Variants in CSMD1 observed in about 807,000 individuals in gnomAD.
The protein encoded by CSMD1 is CUB and sushi domain-containing protein 1.
In CSMD1, 213 loss-of-function variants were observed where a neutral mutation model predicts 417.5. That is an observed-to-expected ratio of 0.51 (90% CI 0.46 to 0.57). The LOEUF (loss-of-function observed/expected upper bound fraction) is 0.57, where lower values mean the gene tolerates loss of function less well. Ranked by LOEUF, CSMD1 falls within the 20% of genes least tolerant of loss-of-function variation. The pLI is 0.00. For synonymous variants in CSMD1, 2,862 were observed against 1,736.8 expected (o/e 1.65, Z -16.11); for missense variants, 6,923 against 4,529.7 (o/e 1.53, Z -15.17).
chr8:4,043,910 T>G (rs1798018528), intron 3 of CSMD1, among the ~76,000 whole-genome samples: 1 of 152,214 alleles, frequency 6.6e-6, no homozygotes. Flanking sequence ...AACCTGAATC[T>G]GTATAGACCT....
At chr8:4,748,050 C>T (rs536083250) in intron 1 of CSMD1, among the ~76,000 whole-genome samples, 1 of 152,262 alleles carries the variant, frequency 6.6e-6, no homozygotes, top group East Asian at 1.9e-4. Context: ...GAAATAAAAA[C>T]AGGGCACTCA....
chr8:3,374,262 C>A (rs1326644583), intron 18 of CSMD1, among the ~76,000 whole-genome samples: 1 of 152,002 alleles, frequency 6.6e-6, no homozygotes, highest in Non-Finnish European at 1.5e-5. Context: ...TCCGACCCAT[C>A]CACCCGTTTT....
chr8:4,081,155 T>A (rs1800109583), intron 3 of CSMD1, among the ~76,000 whole-genome samples: 1 of 152,136 alleles, frequency 6.6e-6, no homozygotes, highest in African/African-American at 2.4e-5. Context: ...CTTCCCAGCC[T>A]CCAGCATTGT....
At chr8:3,875,166 T>G (rs890589747) in intron 5 of CSMD1, among the ~76,000 whole-genome samples, 3 of 152,076 alleles carry the variant, frequency 2.0e-5, no homozygotes, top group African/African-American at 4.8e-5. Context: ...CACTGGGGAA[T>G]GGACTGTAGC....
intron 1 of CSMD1, among the ~76,000 whole-genome samples, chr8:4,655,263 C>A (rs368381088): frequency 6.6e-6 from 1 of 152,054 alleles, no homozygotes; most frequent in Non-Finnish European, 1.5e-5. Context: ...TAGAACCCTC[C>A]CCCTGGGGTC....
intron 2 of CSMD1, among the ~76,000 whole-genome samples, chr8:4,529,476 T>C (rs906539040): frequency 6.6e-6 from 1 of 152,214 alleles, no homozygotes; most frequent in African/African-American, 2.4e-5. Context: ...TCATAAAATT[T>C]AATGATTTAT....
intron 1 of CSMD1, among the ~76,000 whole-genome samples, chr8:4,910,815 C>T (rs1189962846): frequency 6.6e-6 from 1 of 152,134 alleles, no homozygotes. Context: ...TGATAAATGT[C>T]ATTAGATAGT....
chr8:3,724,596 G>A (rs913367086), intron 6 of CSMD1, among the ~76,000 whole-genome samples: 2 of 152,108 alleles, frequency 1.3e-5, no homozygotes, highest in Non-Finnish European at 2.9e-5. Context: ...TTAGGGAGGG[G>A]GAATGAGAAT....
At chr8:4,205,932 G>C (rs1799953268) in intron 3 of CSMD1, among the ~76,000 whole-genome samples, 1 of 152,206 alleles carries the variant, frequency 6.6e-6, no homozygotes, top group Admixed American at 6.5e-5. Context: ...ACGTTTTTCT[G>C]ACTCCCAAGT....
chr8:3,958,380 C>G lies in CSMD1; in HGVS notation c.818+39523G>C, dbSNP rs997452146. 4.7e-5 allele frequency among the ~76,000 whole-genome samples: 7 copies of G among 148,282 alleles called. No individual in the cohort carries two copies. The South Asian group carries it at 1.1e-3, about 22-fold the overall frequency. ...ATTAACTTTTAAGCTGTTTCACTCT[C>G]TAGGAAACCAAAAAGGAGGCAGAAA... is the stretch of plus-strand genomic sequence containing the variant. On this transcript the variant is annotated intron_variant, in intron 5 of 69. Transcript: ENST00000635120.
intron 3 of CSMD1, among the ~76,000 whole-genome samples, chr8:4,098,998 G>C (rs1041457013): frequency 1.3e-5 from 2 of 152,152 alleles, no homozygotes; most frequent in Admixed American, 1.3e-4. Context: ...AACTCTCTTA[G>C]ACTCCAAACA....
intron 10 of CSMD1, chr8:3,515,405 G>C (rs757143454): frequency 1.3e-5 from 2 of 152,154 alleles, no homozygotes; most frequent in Non-Finnish European, 2.9e-5. Context: ...GAAAATGTTG[G>C]TGAAGTTTAG....
intron 1 of CSMD1, among the ~76,000 whole-genome samples, chr8:4,847,715 G>T (rs572406661): frequency 6.7e-6 from 1 of 150,246 alleles, no homozygotes; most frequent in Admixed American, 6.6e-5. Flanking sequence ...TGTTCTTCAC[G>T]CCTACCTTGA....
intron 37 of CSMD1, among the ~76,000 whole-genome samples, chr8:3,179,333 G>A (rs961081400): frequency 6.6e-6 from 1 of 151,928 alleles, no homozygotes; most frequent in Non-Finnish European, 1.5e-5. Flanking sequence ...CTATCAGAAT[G>A]GTGTTAGTAT....
At chr8:3,156,791 T>C (rs1249901434) in intron 39 of CSMD1, among the ~76,000 whole-genome samples, 1 of 151,972 alleles carries the variant, frequency 6.6e-6, no homozygotes, top group Non-Finnish European at 1.5e-5. Context: ...TATGGCTGAA[T>C]ATGGGAGCTG....
intron 5 of CSMD1, among the ~76,000 whole-genome samples, chr8:3,859,983 G>A (rs1366591879): frequency 7.9e-5 from 12 of 152,104 alleles, no homozygotes; most frequent in Non-Finnish European, 1.2e-4. Context: ...GCCTGAGGGT[G>A]GTTTTGGGAA....
intron 26 of CSMD1, among the ~76,000 whole-genome samples, chr8:3,263,581 A>T: frequency 6.6e-6 from 1 of 152,358 alleles, no homozygotes; most frequent in African/African-American, 2.4e-5. Flanking sequence ...GAAATTTCTT[A>T]CAAATAAATG....
chr8:4,907,505 A>C (rs144435345), intron 1 of CSMD1, among the ~76,000 whole-genome samples: 1 of 131,686 alleles, frequency 7.6e-6, no homozygotes, highest in African/African-American at 2.5e-5. Flanking sequence ...ACATCTTACT[A>C]GAATTAAATG....
intron 10 of CSMD1, among the ~76,000 whole-genome samples, chr8:3,530,139 ATTTTCTCTGTTG>A (rs896429779): frequency 2.0e-5 from 3 of 152,032 alleles, no homozygotes; most frequent in Non-Finnish European, 4.4e-5. Context: ...GTTTAAGTTC[ATTTTCTCTGTTG>A]TTTTCTCTAT....
Sources: allele counts gnomAD v4.1 joint callset (sites outside exome capture counted in the v4.1 genomes callset), GRCh38; gene constraint gnomAD v4.1.1; transcripts MANE v1.5; gene names NCBI Gene and HGNC (gene_info 2026-07-23, HGNC 2026-07-21).